The following NCAM1 variants were observed in gnomAD, a reference collection of about 807,000 sequenced individuals.
NCAM1 encodes neural cell adhesion molecule 1.
A neutral mutation model predicts 109.8 loss-of-function variants in NCAM1; 14 were observed. The observed-to-expected ratio is 0.13, with a 90% CI of 0.08 to 0.20. The LOEUF (loss-of-function observed/expected upper bound fraction) is 0.20, where lower values mean the gene tolerates loss of function less well. NCAM1 is among the 10% of genes least tolerant of loss of function. The pLI is 1.00. For missense variants in NCAM1, 774 were observed against 1,109.9 expected, an observed-to-expected ratio of 0.70 and a Z score of 4.30; for synonymous variants, 418 against 442.9, an observed-to-expected ratio of 0.94 and a Z score of 0.70.
intron 9 of NCAM1, among the ~76,000 whole-genome samples, chr11:113,224,908 A>T (rs1003835910): frequency 2.6e-5 from 4 of 152,258 alleles, no homozygotes; most frequent in African/African-American, 9.6e-5. Context: ...AACAGAAAGA[A>T]CATCCACACC....
intron 2 of NCAM1, among the ~76,000 whole-genome samples, chr11:113,203,524 G>A (rs938871280): frequency 2.0e-5 from 3 of 152,224 alleles, no homozygotes; most frequent in Non-Finnish European, 4.4e-5. Flanking sequence ...CGCCGGATCT[G>A]AGCGCCCTTC....
chr11:113,153,046 A>ATTT (rs34180130), intron 1 of NCAM1, among the ~76,000 whole-genome samples: 1 of 147,440 alleles, frequency 6.8e-6, no homozygotes, highest in Non-Finnish European at 1.5e-5. Flanking sequence ...AATGTCTATA[A>ATTT]TTTTTTTTTT....
chr11:113,154,238 G>A lies in NCAM1; in HGVS notation c.53-48141G>A, dbSNP rs1942334704. ...GGAACAAATGAGAGATGAGAAATTG[G>A]CAATAACGAATAATGATTACTAGTT... On this transcript the variant is annotated intron_variant, in intron 1 of 19. Coordinates refer to ENST00000316851, the MANE Select transcript of NCAM1 (RefSeq NM_181351.5). 2.0e-5 allele frequency among the ~76,000 whole-genome samples: 3 copies of A among 152,284 alleles called. No individual in the cohort carries two copies. In the South Asian group the frequency reaches 6.2e-4, roughly 32 times the overall value.
chr11:113,127,839 A>T (rs974527754), intron 1 of NCAM1, among the ~76,000 whole-genome samples: 1 of 152,144 alleles, frequency 6.6e-6, no homozygotes, highest in African/African-American at 2.4e-5. Flanking sequence ...GGTGGGTTGT[A>T]TGTTGGGTAT....
chr11:113,241,298 C>T (rs1183746944), intron 14 of NCAM1, among the ~76,000 whole-genome samples: 2 of 152,204 alleles, frequency 1.3e-5, no homozygotes, highest in Non-Finnish European at 2.9e-5. Context: ...CTGTAGCTTT[C>T]GCTTTATCCA....
At chr11:113,062,054 G>A (rs1937680605) in intron 1 of NCAM1, among the ~76,000 whole-genome samples, 1 of 152,164 alleles carries the variant, frequency 6.6e-6, no homozygotes, top group Non-Finnish European at 1.5e-5. Context: ...CCTGGAAGGT[G>A]GGGGACCATG....
chr11:113,202,159 G>A (rs539705802), intron 1 of NCAM1, among the ~76,000 whole-genome samples: 10 of 152,302 alleles, frequency 6.6e-5, no homozygotes, highest in East Asian at 5.8e-4. Flanking sequence ...GGTCTGGGCC[G>A]TGTCTCTCTC....
At chr11:113,061,902 T>C (rs1248208514) in intron 1 of NCAM1, among the ~76,000 whole-genome samples, 24 of 152,164 alleles carry the variant, frequency 1.6e-4, no homozygotes, top group Admixed American at 1.6e-3. Context: ...TGATTTTCCT[T>C]GGATTAATTA....
chr11:112,968,857 T>TA (rs1417832541), intron 1 of NCAM1, among the ~76,000 whole-genome samples: 1 of 152,180 alleles, frequency 6.6e-6, no homozygotes, highest in African/African-American at 2.4e-5. Context: ...AACATTGAAT[T>TA]ACAACAAACA....
At chr11:113,258,479 A>C (rs1555122680) in intron 16 of NCAM1, among the ~76,000 whole-genome samples, 1 of 152,192 alleles carries the variant, frequency 6.6e-6, no homozygotes, top group Non-Finnish European at 1.5e-5. Context: ...TGAGCTCCCT[A>C]CTATAGAAGG....
At chr11:113,065,624 A>G (rs1438059042) in intron 1 of NCAM1, among the ~76,000 whole-genome samples, 1 of 152,210 alleles carries the variant, frequency 6.6e-6, no homozygotes, top group Non-Finnish European at 1.5e-5. Context: ...GACATAGCCA[A>G]TAGCAGGAAG....
chr11:113,163,290 G>T (rs1217635812), intron 1 of NCAM1, among the ~76,000 whole-genome samples: 3 of 152,242 alleles, frequency 2.0e-5, no homozygotes, highest in East Asian at 3.9e-4. Flanking sequence ...TGCTGAAAAA[G>T]TCTGGAAAAA....
intron 1 of NCAM1, among the ~76,000 whole-genome samples, chr11:113,055,067 G>T (rs781320866): frequency 6.6e-6 from 1 of 152,116 alleles, no homozygotes; most frequent in Non-Finnish European, 1.5e-5. Context: ...GATTGCTGGC[G>T]CATGAAGCAC....
intron 1 of NCAM1, among the ~76,000 whole-genome samples, chr11:113,020,904 G>T (rs1051739586): frequency 8.5e-5 from 13 of 152,060 alleles, no homozygotes; most frequent in Non-Finnish European, 1.8e-4. Context: ...TTGCAGGCAT[G>T]TGCCACCATG....
chr11:113,237,979 T>C (rs1453149303), intron 14 of NCAM1, among the ~76,000 whole-genome samples: 2 of 149,366 alleles, frequency 1.3e-5, no homozygotes, highest in African/African-American at 2.4e-5. Context: ...GATATAGATA[T>C]ATATCTCAGA....
chr11:113,175,748 A>G (rs550937010), intron 1 of NCAM1, among the ~76,000 whole-genome samples: 10 of 152,342 alleles, frequency 6.6e-5, no homozygotes, highest in Non-Finnish European at 1.3e-4. Context: ...ATCTGAACAT[A>G]TTTAATACTG....
chr11:112,978,452 A>G (rs782426865), intron 1 of NCAM1, among the ~76,000 whole-genome samples: 3 of 151,786 alleles, frequency 2.0e-5, no homozygotes, highest in Non-Finnish European at 4.4e-5. Context: ...TTTAAGACTC[A>G]GTGGTTGAAT....
intron 1 of NCAM1, among the ~76,000 whole-genome samples, chr11:113,000,841 T>TC (rs1951731290): frequency 9.7e-6 from 1 of 103,598 alleles, no homozygotes; most frequent in Non-Finnish European, 2.2e-5. Context: ...TATATATATA[T>TC]ATATATACAC....
chr11:113,219,939 A>C (rs997152657), intron 8 of NCAM1, among the ~76,000 whole-genome samples: 8 of 152,128 alleles, frequency 5.3e-5, no homozygotes, highest in African/African-American at 7.2e-5. Context: ...ATAACTCGAT[A>C]TTTCCATCTC....
Sources: gnomAD v4.1 joint callset for allele counts (sites outside exome capture counted in the v4.1 genomes callset) on GRCh38, gnomAD v4.1.1 for gene constraint, MANE v1.5 for transcripts, NCBI Gene and HGNC (gene_info 2026-07-23, HGNC 2026-07-21) for gene names.